Variants in ADK observed in about 807,000 individuals in gnomAD.
ADK encodes adenosine kinase, also known as N6,N6-dimethyladenosine kinase.
In ADK, 24 loss-of-function variants were observed where a neutral mutation model predicts 44.7. The ratio of observed to expected loss-of-function variants is 0.54; its 90% confidence interval spans 0.39 to 0.76. The LOEUF is 0.76. ADK is among the 30% of genes least tolerant of loss of function. The probability of loss-of-function intolerance (pLI) is 0.00; values close to 1 mark genes in which losing one functional copy is unlikely to be tolerated. For synonymous variants in ADK, 128 were observed against 142.6 expected (o/e 0.90, Z 0.73); for missense variants, 321 against 425.1 (o/e 0.76, Z 2.15).
intron 4 of ADK, among the ~76,000 whole-genome samples, chr10:74,320,420 C>T (rs1840768386): frequency 1.3e-5 from 2 of 152,104 alleles, no homozygotes; most frequent in Admixed American, 1.3e-4. Flanking sequence ...AGCAGTTTGA[C>T]TATAATGTGT....
At chr10:74,562,371 C>G (rs753114343) in intron 7 of ADK, among the ~76,000 whole-genome samples, 1 of 152,132 alleles carries the variant, frequency 6.6e-6, no homozygotes, top group Non-Finnish European at 1.5e-5. Flanking sequence ...GAGTCTGAGT[C>G]TTGCTACAGA....
chr10:74,276,194 A>T (rs1390187442), intron 3 of ADK, among the ~76,000 whole-genome samples: 1 of 152,166 alleles, frequency 6.6e-6, no homozygotes, highest in African/African-American at 2.4e-5. Context: ...TGCTGAATAT[A>T]TATGATTCTG....
At chr10:74,415,146 A>G (rs1035445297) in intron 6 of ADK, among the ~76,000 whole-genome samples, 5 of 152,208 alleles carry the variant, frequency 3.3e-5, no homozygotes, top group African/African-American at 7.2e-5. Context: ...AAACCACACT[A>G]TGTGCTAATT....
intron 7 of ADK, among the ~76,000 whole-genome samples, chr10:74,588,432 T>C (rs1851601398): frequency 6.6e-6 from 1 of 152,220 alleles, no homozygotes; most frequent in African/African-American, 2.4e-5. Flanking sequence ...ATTAAGCTAG[T>C]TGTCCTACAG....
intron 4 of ADK, among the ~76,000 whole-genome samples, chr10:74,369,613 T>G (rs762295430): frequency 2.0e-5 from 3 of 152,150 alleles, no homozygotes; most frequent in Non-Finnish European, 4.4e-5. Flanking sequence ...AAATCACTCC[T>G]GAAACTGGTG....
intron 6 of ADK, among the ~76,000 whole-genome samples, chr10:74,457,521 A>G (rs1845999355): frequency 1.3e-5 from 2 of 152,238 alleles, no homozygotes; most frequent in East Asian, 1.9e-4. Context: ...ATTACTGGGT[A>G]TATACCCAAA....
chr10:74,481,643 C>T (rs1194038800), intron 6 of ADK, among the ~76,000 whole-genome samples: 1 of 152,092 alleles, frequency 6.6e-6, no homozygotes. Context: ...GATGTGTGTT[C>T]CATTACTATA....
In ADK at chr10:74,641,406, G is replaced by A. The variant is rs1853838025; in HGVS notation, c.878-28777G>A. 3 of 151,998 alleles carry A rather than the reference G, an allele frequency of 2.0e-5. No homozygotes were observed. The South Asian group carries it at 6.3e-4, about 32-fold the overall frequency. 9.4% of individuals were successfully genotyped at this position (151,998 alleles called of 1,614,324 possible). A position where few individuals can be genotyped will look rare whatever the true frequency, so the allele number is the denominator to read the frequency against. On this transcript the variant is annotated intron_variant, in intron 9 of 10. Coordinates refer to ENST00000539909, the MANE Select transcript of ADK (RefSeq NM_006721.4). ...ATAATTTTTTGGTGGTCCAGAAAGG[G>A]GCAGCTGCCATGCTTTGCAGGTTTC...
At chr10:74,621,208 A>T (rs1852981498) in intron 9 of ADK, among the ~76,000 whole-genome samples, 1 of 152,148 alleles carries the variant, frequency 6.6e-6, no homozygotes, top group African/African-American at 2.4e-5. Context: ...TTTGGGTCTT[A>T]CATTTAATCC....
intron 1 of ADK, among the ~76,000 whole-genome samples, chr10:74,185,900 TGC>T (rs1842741105): frequency 7.1e-6 from 1 of 140,618 alleles, no homozygotes; most frequent in African/African-American, 2.6e-5. Flanking sequence ...CAGGCTGGAG[TGC>T]AGCTGCCCGA....
chr10:74,398,626 G>T (rs1455307332), intron 6 of ADK, 47 bp downstream of exon 6: 2 of 1,057,422 alleles, frequency 1.9e-6, no homozygotes, highest in Middle Eastern at 2.7e-4. Context: ...TTACATGATG[G>T]ATTATAGTTG....
At chr10:74,270,420 G>A (rs531293828) in intron 3 of ADK, among the ~76,000 whole-genome samples, 1 of 152,162 alleles carries the variant, frequency 6.6e-6, no homozygotes, top group Non-Finnish European at 1.5e-5. Flanking sequence ...TGACTTAGTA[G>A]AAGACAGCTG....
At chr10:74,407,378 A>G (rs1311288308) in intron 6 of ADK, among the ~76,000 whole-genome samples, 1 of 152,106 alleles carries the variant, frequency 6.6e-6, no homozygotes, top group East Asian at 1.9e-4. Context: ...TTGAACTTTG[A>G]TTTGGACCTC....
chr10:74,223,221 C>T (rs1844393428), intron 2 of ADK, among the ~76,000 whole-genome samples: 1 of 152,098 alleles, frequency 6.6e-6, no homozygotes, highest in South Asian at 2.1e-4. Flanking sequence ...TATCACATGG[C>T]AAGGGGCCTG....
intron 6 of ADK, among the ~76,000 whole-genome samples, chr10:74,482,976 C>T (rs972765872): frequency 1.3e-5 from 2 of 152,132 alleles, no homozygotes; most frequent in Non-Finnish European, 2.9e-5. Context: ...GTGGACCTAC[C>T]ATTTTGAGGT....
intron 7 of ADK, among the ~76,000 whole-genome samples, chr10:74,565,360 TAAC>T (rs887509218): frequency 4.6e-5 from 7 of 152,218 alleles, no homozygotes; most frequent in Non-Finnish European, 1.0e-4. Flanking sequence ...TTAAAGATTT[TAAC>T]AACTCAAGAT....
At chr10:74,620,386 G>A (rs1053765704) in intron 9 of ADK, among the ~76,000 whole-genome samples, 3 of 152,094 alleles carry the variant, frequency 2.0e-5, no homozygotes, top group African/African-American at 7.2e-5. Context: ...TTGTGTTCCT[G>A]GCTTATTTCA....
At chr10:74,513,441 A>C (rs1189606972) in intron 6 of ADK, among the ~76,000 whole-genome samples, 1 of 152,132 alleles carries the variant, frequency 6.6e-6, no homozygotes, top group Non-Finnish European at 1.5e-5. Flanking sequence ...ATATATTTAC[A>C]GTTGTTATAT....
intron 6 of ADK, among the ~76,000 whole-genome samples, chr10:74,426,032 G>A (rs1564714957): frequency 2.0e-5 from 3 of 152,068 alleles, no homozygotes; most frequent in Non-Finnish European, 4.4e-5. Flanking sequence ...TTGAGAAATA[G>A]AGAAAAGTAC....
Sources: gnomAD v4.1 joint callset for allele counts (sites outside exome capture counted in the v4.1 genomes callset) on GRCh38, gnomAD v4.1.1 for gene constraint, MANE v1.5 for transcripts, NCBI Gene and HGNC (gene_info 2026-07-23, HGNC 2026-07-21) for gene names.